The following BCL7A variants were observed in gnomAD, a reference collection of about 807,000 sequenced individuals.
BCL7A encodes B-cell CLL/lymphoma 7 protein family member A.
Under a neutral mutation model 28.4 loss-of-function variants are expected in BCL7A, and 11 were observed. The observed-to-expected ratio is 0.39, with a 90% CI of 0.24 to 0.64. The LOEUF (loss-of-function observed/expected upper bound fraction) is 0.64, where lower values mean the gene tolerates loss of function less well. Ranked by LOEUF, BCL7A falls within the 30% of genes least tolerant of loss-of-function variation. BCL7A has a pLI of 0.50. For synonymous variants in BCL7A, 123 were observed against 103.3 expected, an observed-to-expected ratio of 1.19 and a Z score of -1.15; for missense variants, 222 against 274.8, an observed-to-expected ratio of 0.81 and a Z score of 1.36.
intron 3 of BCL7A, among the ~76,000 whole-genome samples, chr12:122,039,095 G>A (rs564600881): frequency 9.2e-5 from 14 of 152,012 alleles, no homozygotes; most frequent in African/African-American, 3.1e-4. Flanking sequence ...GGGAGATCGA[G>A]ACCATCCTGG....
chr12:122,034,285 G>A (rs1236556771), intron 2 of BCL7A, among the ~76,000 whole-genome samples: 1 of 142,634 alleles, frequency 7.0e-6, no homozygotes, highest in Non-Finnish European at 1.5e-5. Flanking sequence ...GTATTCTGCA[G>A]ATCACCCCAT....
intron 3 of BCL7A, among the ~76,000 whole-genome samples, chr12:122,040,009 A>C (rs1412873951): frequency 6.6e-6 from 1 of 152,134 alleles, no homozygotes; most frequent in Non-Finnish European, 1.5e-5. Flanking sequence ...CTATAATAAA[A>C]ATTTTAAAAA....
At chr12:122,046,118 G>T (rs139090561) in intron 4 of BCL7A, among the ~76,000 whole-genome samples, 1 of 148,774 alleles carries the variant, frequency 6.7e-6, no homozygotes, top group East Asian at 2.0e-4. Context: ...TACCGTTACT[G>T]CATCTAAGAA....
intron 3 of BCL7A, among the ~76,000 whole-genome samples, chr12:122,036,947 G>A (rs933329737): frequency 1.3e-5 from 2 of 152,078 alleles, no homozygotes; most frequent in Non-Finnish European, 2.9e-5. Context: ...GGTCTCGAAC[G>A]CCCGCCTTGG....
intron 4 of BCL7A, among the ~76,000 whole-genome samples, chr12:122,053,471 C>A (rs1010129660): frequency 6.6e-6 from 1 of 152,148 alleles, no homozygotes; most frequent in Non-Finnish European, 1.5e-5. Context: ...TTATTTTCCC[C>A]TTTGTTATTA....
Position 122,041,397 on chromosome 12 carries a change from G to A in BCL7A, c.272-2489G>A, listed in dbSNP as rs138955169. On this transcript the variant is annotated intron_variant, in intron 3 of 5. Transcript: ENST00000261822. The stretch of plus-strand genomic sequence containing the variant: ...TCTCATGTTTACAAAAGTGGCCATC[G>A]CCCCGGGTGCAGCATGGCCCCCAGA... Among the ~76,000 whole-genome samples, 723 of 152,248 alleles carry A rather than the reference G, an allele frequency of 4.7e-3. 1 individual carries two copies. The highest frequency in any genetic ancestry group is 0.017 in the African/African-American group (699 of 41,554).
chr12:122,024,007 C>A (rs143421791), intron 1 of BCL7A, among the ~76,000 whole-genome samples: 2 of 152,230 alleles, frequency 1.3e-5, no homozygotes, highest in African/African-American at 2.4e-5. Flanking sequence ...ACCCTGACAG[C>A]TGCTCCCGCA....
chr12:122,059,273 G>A lies in BCL7A; in HGVS notation c.*110G>A, dbSNP rs1951900691. On this transcript the variant is annotated 3_prime_UTR_variant, in exon 6 of 6. Transcript: ENST00000261822. This position sits in a 1 kb window ranked among gnomAD's most constrained non-coding sequence, Gnocchi z 4.0. ...CTTGGGTGCGAACAGAACTACTAAC[G>A]TTTCAAGTTTACCAAGTGCAAATCC... 7.0e-6 allele frequency: 7 copies of A among 1,005,574 alleles called. No homozygotes were observed. The highest frequency in any genetic ancestry group is 2.3e-5 in the Admixed American group (1 of 43,296). 62.3% of individuals were successfully genotyped at this position (1,005,574 alleles called of 1,614,324 possible).
intron 2 of BCL7A, 117 bp from the exon 3 acceptor site, chr12:122,035,214 G>A: frequency 1.1e-6 from 1 of 898,460 alleles, no homozygotes. Context: ...CAGAGGCCTG[G>A]GGGCTCCAGG....
intron 2 of BCL7A, among the ~76,000 whole-genome samples, chr12:122,034,190 CATATATATATAT>C (rs55770934): frequency 0.021 from 1,986 of 96,770 alleles, 42 homozygotes; most frequent in African/African-American, 0.039. Context: ...CTGCATCTTT[CATATATATATAT>C]ATATATATAT....
chr12:122,058,487 C>T (rs552209629), intron 5 of BCL7A, among the ~76,000 whole-genome samples: 15 of 151,908 alleles, frequency 9.9e-5, no homozygotes, highest in African/African-American at 2.2e-4. Context: ...GGTGAAACCC[C>T]GTCTCTACTA....
intron 3 of BCL7A, 78 bp downstream of exon 3, chr12:122,035,505 C>T (rs1883832815): frequency 7.3e-7 from 1 of 1,367,012 alleles, no homozygotes; most frequent in Non-Finnish European, 1.0e-6. Flanking sequence ...TTTTGTTTCT[C>T]CAGCAGGTTT....
chr12:122,030,619 C>A, intron 1 of BCL7A, 81 bp from the exon 2 acceptor site: 1 of 1,312,912 alleles, frequency 7.6e-7, no homozygotes. Context: ...CTGGAGCTTG[C>A]TCTCAGCCCC....
At chr12:122,027,473 G>A (rs951389255) in intron 1 of BCL7A, among the ~76,000 whole-genome samples, 14 of 152,160 alleles carry the variant, frequency 9.2e-5, no homozygotes, top group Non-Finnish European at 1.6e-4. Flanking sequence ...CCAGGAGGTC[G>A]AGGCTGCAGT....
At position 122,061,560 on chromosome 12, in the gene BCL7A, A is replaced by G. The variant is rs1381656493; in HGVS notation, c.*2397A>G. The G allele has an allele frequency of 2.7e-5, 2 of 72,780 alleles. No individual in the cohort carries two copies. Among genetic ancestry groups the G allele is most frequent in the Non-Finnish European group, 5.6e-5 (2 of 35,676 alleles). The allele number at this position is 72,780 out of a possible 1,614,324, so 4.5% of individuals were successfully genotyped here. A position where few individuals can be genotyped will look rare whatever the true frequency, so the allele number is the denominator to read the frequency against. ...GTCGCTCCTCGAGCCGCTGCCCCCC[A>G]CCCACCCTGCACCCCTCGCCCTCCC... is the stretch of plus-strand genomic sequence containing the variant. On this transcript the variant is annotated 3_prime_UTR_variant, in exon 6 of 6. Transcript: ENST00000261822.
chr12:122,033,709 A>G (rs1883789023), intron 2 of BCL7A, among the ~76,000 whole-genome samples: 1 of 151,116 alleles, frequency 6.6e-6, no homozygotes, highest in Non-Finnish European at 1.5e-5. Context: ...CTCCTGCCTG[A>G]GCCTCCCAAA....
chr12:122,054,658 C>T, intron 4 of BCL7A, 147 bp from the exon 5 acceptor site: 1 of 790,106 alleles, frequency 1.3e-6, no homozygotes, highest in Middle Eastern at 3.2e-4. Context: ...GGAGACTCCC[C>T]AGCCCTCCAG....
rs1256972795 is a variant in BCL7A at position 122,043,995 on chromosome 12, C to A, written c.381C>A (p.Gly127=). The A allele has an allele frequency of 3.1e-6, 5 of 1,613,862 alleles. No homozygotes were observed. In the African/African-American group the frequency reaches 6.7e-5, roughly 22 times the overall value. ...PEPNSAVPSD[G]TEAKVDEAQA... is the part of the protein sequence containing the mutation. ...CCAACTCGGCTGTGCCCAGCGACGGCACCGAGGCCAAGGTGGATGAGGCCC... is the reference window on the plus strand; with the variant it reads ...CCAACTCGGCTGTGCCCAGCGACGGAACCGAGGCCAAGGTGGATGAGGCCC... Residue 127 remains glycine (G), a synonymous_variant, in exon 4 of 6, where the codon GGC becomes GGA. Transcript: ENST00000261822.
intron 5 of BCL7A, among the ~76,000 whole-genome samples, chr12:122,058,009 G>T (rs1471382722): frequency 2.0e-5 from 3 of 151,810 alleles, no homozygotes; most frequent in East Asian, 2.0e-4. Flanking sequence ...GGGCAGCATA[G>T]CAAGACCCCA....
Sources: allele counts gnomAD v4.1 joint callset (sites outside exome capture counted in the v4.1 genomes callset), GRCh38; gene constraint gnomAD v4.1.1; non-coding constraint Gnocchi (gnomAD v3.1); transcripts MANE v1.5; gene names NCBI Gene and HGNC (gene_info 2026-07-23, HGNC 2026-07-21).